Variants in NPAS3 observed in about 807,000 individuals in gnomAD.
NPAS3 encodes neuronal PAS domain-containing protein 3.
In NPAS3, 14 loss-of-function variants were observed where a neutral mutation model predicts 73.1. That is an observed-to-expected ratio of 0.19 (90% CI 0.13 to 0.30). NPAS3 has a LOEUF of 0.30. NPAS3 is among the 10% of genes least tolerant of loss of function. The pLI is 1.00. For missense variants in NPAS3, 1,096 were observed against 1,250.0 expected (o/e 0.88, Z 1.86); for synonymous variants, 620 against 541.5 (o/e 1.14, Z -2.01).
chr14:33,030,211 C>T (rs61974881), intron 1 of NPAS3, among the ~76,000 whole-genome samples: 1,597 of 152,118 alleles, frequency 0.01, 12 homozygotes, highest in Non-Finnish European at 0.016. Context: ...AGCACAATCG[C>T]GCTTGGTGGT....
intron 4 of NPAS3, among the ~76,000 whole-genome samples, chr14:33,553,353 G>T (rs2055209745): frequency 6.6e-6 from 1 of 152,116 alleles, no homozygotes; most frequent in African/African-American, 2.4e-5. Context: ...CTTTAATTCT[G>T]CTGCCTCTTT....
chr14:33,601,514 A>G (rs561220192), intron 5 of NPAS3, among the ~76,000 whole-genome samples: 7 of 152,324 alleles, frequency 4.6e-5, no homozygotes, highest in African/African-American at 1.7e-4. Context: ...AAACTGGAAA[A>G]CCAGCTTGGA....
At chr14:33,377,823 C>G (rs1317206643) in intron 4 of NPAS3, among the ~76,000 whole-genome samples, 1 of 152,096 alleles carries the variant, frequency 6.6e-6, no homozygotes, top group East Asian at 1.9e-4. Flanking sequence ...TGGCCAGGTT[C>G]TAGAAAAGTG....
intron 7 of NPAS3, among the ~76,000 whole-genome samples, chr14:33,755,958 AACTC>A (rs2062102666): frequency 1.3e-5 from 2 of 152,044 alleles, no homozygotes; most frequent in Non-Finnish European, 1.5e-5. Flanking sequence ...ACAGAGTGAG[AACTC>A]ACTCACCCCT....
chr14:33,616,028 C>T (rs1286073989), intron 5 of NPAS3, among the ~76,000 whole-genome samples: 1 of 152,180 alleles, frequency 6.6e-6, no homozygotes, highest in African/African-American at 2.4e-5. Flanking sequence ...GCAAGCATAG[C>T]TGGTGTCAAT....
chr14:33,569,746 A>G (rs895442722), intron 5 of NPAS3, among the ~76,000 whole-genome samples: 1 of 152,150 alleles, frequency 6.6e-6, no homozygotes, highest in African/African-American at 2.4e-5. Flanking sequence ...TTCCTACTCT[A>G]CTTTCTTCGA....
At chr14:33,094,388 A>T (rs1234900703) in intron 2 of NPAS3, among the ~76,000 whole-genome samples, 4 of 152,152 alleles carry the variant, frequency 2.6e-5, no homozygotes, top group Non-Finnish European at 4.4e-5. Context: ...TTAATATCGA[A>T]TAATTTTAAT....
chr14:33,483,928 C>A (rs150435808), intron 4 of NPAS3, among the ~76,000 whole-genome samples: 35 of 152,256 alleles, frequency 2.3e-4, no homozygotes, highest in African/African-American at 7.0e-4. Flanking sequence ...GGTTTTGTAA[C>A]TTTATACATT....
intron 4 of NPAS3, among the ~76,000 whole-genome samples, chr14:33,500,018 C>G (rs2052433351): frequency 6.6e-6 from 1 of 151,852 alleles, no homozygotes; most frequent in African/African-American, 2.4e-5. Flanking sequence ...ACGTTCTCCC[C>G]ATTGTTACTG....
chr14:32,955,552 A>G (rs1344069161), intron 1 of NPAS3, among the ~76,000 whole-genome samples: 1 of 152,156 alleles, frequency 6.6e-6, no homozygotes, highest in African/African-American at 2.4e-5. Context: ...AATATTGAGG[A>G]CCATTAACCA....
chr14:33,248,650 C>T (rs758869149), intron 3 of NPAS3, among the ~76,000 whole-genome samples: 42 of 152,106 alleles, frequency 2.8e-4, no homozygotes, highest in Non-Finnish European at 5.1e-4. Context: ...TTATATTCCA[C>T]AGTAAAGGTT....
chr14:33,326,200 G>A (rs896550807), intron 3 of NPAS3, among the ~76,000 whole-genome samples: 1 of 152,126 alleles, frequency 6.6e-6, no homozygotes, highest in African/African-American at 2.4e-5. Flanking sequence ...CAGAGACAGG[G>A]CTCATCCATG....
At chr14:33,516,120 A>G (rs1250144749) in intron 4 of NPAS3, among the ~76,000 whole-genome samples, 3 of 151,886 alleles carry the variant, frequency 2.0e-5, no homozygotes, top group African/African-American at 4.9e-5. Flanking sequence ...AGATGAGTAA[A>G]CTAAATTAAG....
intron 2 of NPAS3, among the ~76,000 whole-genome samples, chr14:33,154,327 A>G (rs993257568): frequency 3.9e-5 from 6 of 152,112 alleles, no homozygotes; most frequent in African/African-American, 1.4e-4. Flanking sequence ...CCTTCCCTTA[A>G]CTCACCTTTG....
intron 5 of NPAS3, among the ~76,000 whole-genome samples, chr14:33,662,194 G>C (rs1016549861): frequency 6.6e-6 from 1 of 152,206 alleles, no homozygotes; most frequent in Non-Finnish European, 1.5e-5. Context: ...ATGGAAATGC[G>C]CAGCTAGACA....
chr14:33,699,825 G>A (rs17487712), intron 6 of NPAS3, among the ~76,000 whole-genome samples: 10,767 of 152,086 alleles, frequency 0.071, 483 homozygotes, highest in South Asian at 0.18. Context: ...ACCCGTACAC[G>A]GCACAGCTAA....
intron 4 of NPAS3, among the ~76,000 whole-genome samples, chr14:33,458,395 C>A (rs2050113864): frequency 6.6e-6 from 1 of 152,092 alleles, no homozygotes; most frequent in Admixed American, 6.5e-5. Flanking sequence ...AGTAAATTGG[C>A]ACAGATTTAT....
At chr14:33,430,589 A>G (rs1474027877) in intron 4 of NPAS3, among the ~76,000 whole-genome samples, 1 of 152,104 alleles carries the variant, frequency 6.6e-6, no homozygotes, top group East Asian at 1.9e-4. Flanking sequence ...CTCACCCAGC[A>G]GTTTGAAAGC....
rs569410155 is a variant in NPAS3, at chr14:33,747,345, A to G, written c.852+12013A>G. Among the ~76,000 whole-genome samples, 910 of 152,280 alleles carry G rather than the reference A, an allele frequency of 6.0e-3. 9 individuals are homozygous for G. The highest frequency in any genetic ancestry group is 0.02 in the African/African-American group (846 of 41,558). On this transcript the variant is annotated intron_variant, in intron 7 of 11. Coordinates refer to ENST00000356141, the Ensembl canonical transcript of NPAS3. ...CAGTAAACTATCGCAAGAACAAAAA[A>G]CCAAACACTGCATATTCTACTGACT...
Sources: allele counts gnomAD v4.1 joint callset (sites outside exome capture counted in the v4.1 genomes callset), GRCh38; gene constraint gnomAD v4.1.1; transcripts MANE v1.5; gene names NCBI Gene and HGNC (gene_info 2026-07-23, HGNC 2026-07-21).